The following SYNE2 variants were observed in gnomAD, a reference collection of about 807,000 sequenced individuals.
SYNE2 encodes spectrin repeat containing nuclear envelope protein 2, also known as nesprin-2.
Under a neutral mutation model 856.3 loss-of-function variants are expected in SYNE2, and 431 were observed. The observed-to-expected ratio is 0.50, with a 90% confidence interval of 0.47 to 0.55. SYNE2 has a LOEUF of 0.55. Ranked by LOEUF, SYNE2 falls within the 20% of genes least tolerant of loss-of-function variation. The pLI is 0.00. For missense variants in SYNE2, 8,129 were observed against 8,023.2 expected (o/e 1.01, Z -0.50); for synonymous variants, 2,923 against 2,872.3 (o/e 1.02, Z -0.56).
chr14:63,939,423 C>G (rs1282112797), intron 2 of SYNE2, among the ~76,000 whole-genome samples: 3 of 150,530 alleles, frequency 2.0e-5, no homozygotes, highest in African/African-American at 7.4e-5. Context: ...TCTCAGCTCA[C>G]TGCAACCTCC....
intron 66 of SYNE2, among the ~76,000 whole-genome samples, chr14:64,119,155 A>G (rs941951808): frequency 6.6e-6 from 1 of 152,182 alleles, no homozygotes. Flanking sequence ...TCTGCTGGAT[A>G]CATTCTGCTA....
intron 1 of SYNE2, among the ~76,000 whole-genome samples, chr14:63,899,920 G>A (rs566867822): frequency 4.2e-4 from 64 of 152,282 alleles, no homozygotes; most frequent in Middle Eastern, 6.8e-3. Context: ...TATATACTGT[G>A]TAGTATATTT....
At chr14:63,924,218 A>T (rs1394938004) in intron 2 of SYNE2, among the ~76,000 whole-genome samples, 1 of 152,218 alleles carries the variant, frequency 6.6e-6, no homozygotes, top group East Asian at 1.9e-4. Flanking sequence ...TTCTTCTATT[A>T]TATAGATCAA....
intron 49 of SYNE2, among the ~76,000 whole-genome samples, chr14:64,059,402 ATG>A (rs1308742005): frequency 2.0e-5 from 3 of 152,158 alleles, no homozygotes; most frequent in Non-Finnish European, 4.4e-5. Flanking sequence ...AAGCCTAATA[ATG>A]TTGTGGTTTT....
intron 1 of SYNE2, among the ~76,000 whole-genome samples, chr14:63,837,016 A>C (rs1024856653): frequency 6.6e-6 from 1 of 152,154 alleles, no homozygotes; most frequent in African/African-American, 2.4e-5. Context: ...GACACTGGGG[A>C]GCTTTTAATT....
chr14:64,193,863 A>G (rs2098529157), intron 99 of SYNE2, among the ~76,000 whole-genome samples: 1 of 151,808 alleles, frequency 6.6e-6, no homozygotes, highest in African/African-American at 2.4e-5. Context: ...ACAACACTGC[A>G]AAGTCAGTGT....
chr14:63,892,512 A>G (rs1048997809), intron 1 of SYNE2, among the ~76,000 whole-genome samples: 1 of 151,836 alleles, frequency 6.6e-6, no homozygotes, highest in Non-Finnish European at 1.5e-5. Flanking sequence ...AAGTCAATTC[A>G]GTTTTCCATG....
intron 1 of SYNE2, among the ~76,000 whole-genome samples, chr14:63,791,965 A>C (rs573686074): frequency 2.0e-5 from 3 of 151,724 alleles, no homozygotes; most frequent in Admixed American, 2.0e-4. Flanking sequence ...CAAAAACAAA[A>C]CTTAAAAATG....
At chr14:64,163,327 G>A in intron 88 of SYNE2, 75 bp from the exon 89 acceptor site, 1 of 1,539,984 alleles carries the variant, frequency 6.5e-7, no homozygotes, top group Admixed American at 1.7e-5. Flanking sequence ...CCTAGATTTT[G>A]ATGGAGCAGC....
intron 6 of SYNE2, among the ~76,000 whole-genome samples, chr14:63,948,376 T>G (rs1200308182): frequency 2.0e-5 from 3 of 152,098 alleles, no homozygotes; most frequent in Admixed American, 6.6e-5. Flanking sequence ...AAAAATATAT[T>G]GCTTAGGCCG....
chr14:63,908,477 C>T (rs751336651), intron 1 of SYNE2, among the ~76,000 whole-genome samples: 3 of 151,458 alleles, frequency 2.0e-5, no homozygotes, highest in Admixed American at 6.6e-5. Flanking sequence ...ACTGCTCTCA[C>T]TGGAAGGATT....
chr14:63,993,695 A>G (rs377164641), intron 21 of SYNE2, 140 bp from the exon 22 acceptor site: 5 of 737,384 alleles, frequency 6.8e-6, no homozygotes, highest in African/African-American at 5.4e-5. Flanking sequence ...GAAGTCTCCT[A>G]TAAATCTTCA....
intron 113 of SYNE2, among the ~76,000 whole-genome samples, chr14:64,224,181 C>CAAAAAAAAAAAAAA (rs35804232): frequency 2.7e-5 from 2 of 74,748 alleles, no homozygotes; most frequent in South Asian, 5.0e-4. Context: ...CCCGTCTCTG[C>CAAAAAAAAAAAAAA]AAAAAAAAAA....
intron 95 of SYNE2, among the ~76,000 whole-genome samples, chr14:64,176,403 C>G (rs926960971): frequency 6.6e-6 from 1 of 152,102 alleles, no homozygotes; most frequent in Admixed American, 6.6e-5. Context: ...TTGTCTATCT[C>G]CTAAGGTTAT....
intron 103 of SYNE2, 119 bp downstream of exon 103, chr14:64,210,243 G>A: frequency 7.9e-7 from 1 of 1,267,414 alleles, no homozygotes. Context: ...GGCCTGAGCT[G>A]TTTTAACAGT....
At chr14:63,899,880 T>G (rs1183893478) in intron 1 of SYNE2, among the ~76,000 whole-genome samples, 1 of 152,224 alleles carries the variant, frequency 6.6e-6, no homozygotes, top group African/African-American at 2.4e-5. Flanking sequence ...TCCCTATAAA[T>G]GTATTTCACA....
chr14:63,933,741 T>C (rs1403675766), intron 2 of SYNE2, among the ~76,000 whole-genome samples: 2 of 152,246 alleles, frequency 1.3e-5, no homozygotes, highest in Non-Finnish European at 2.9e-5. Context: ...TATTATTCTC[T>C]TTATTTCTTT....
intron 64 of SYNE2, among the ~76,000 whole-genome samples, chr14:64,106,049 C>CA (rs549854082): frequency 0.078 from 7,166 of 92,170 alleles, 623 homozygotes; most frequent in African/African-American, 0.24. Context: ...GGCCCTGTCT[C>CA]AAAAAAAAAA....
intron 2 of SYNE2, among the ~76,000 whole-genome samples, chr14:63,914,749 C>T (rs1001273858): frequency 6.6e-6 from 1 of 152,130 alleles, no homozygotes; most frequent in Admixed American, 6.6e-5. Flanking sequence ...ATATTTAATG[C>T]CCACATTACT....
Sources: gnomAD v4.1 joint callset for allele counts (sites outside exome capture counted in the v4.1 genomes callset) on GRCh38, gnomAD v4.1.1 for gene constraint, MANE v1.5 for transcripts, NCBI Gene and HGNC (gene_info 2026-07-23, HGNC 2026-07-21) for gene names.